DPYSL2: variants seen among roughly 807,000 people sequenced by gnomAD.
The protein encoded by DPYSL2 is dihydropyrimidinase like 2.
A neutral mutation model predicts 69.9 loss-of-function variants in DPYSL2; 13 were observed. The ratio of observed to expected loss-of-function variants is 0.19; its 90% confidence interval spans 0.12 to 0.30. The LOEUF (loss-of-function observed/expected upper bound fraction) is 0.30, where lower values mean the gene tolerates loss of function less well. Ranked by LOEUF, DPYSL2 falls within the 10% of genes least tolerant of loss-of-function variation. The pLI, the probability that DPYSL2 is intolerant of heterozygous loss-of-function variation, is 1.00. For synonymous variants in DPYSL2, 326 were observed against 359.1 expected, an observed-to-expected ratio of 0.91 and a Z score of 1.04; for missense variants, 587 against 918.9, an observed-to-expected ratio of 0.64 and a Z score of 4.67.
intron 8 of DPYSL2, among the ~76,000 whole-genome samples, chr8:26,638,529 A>C (rs767235326): frequency 6.6e-6 from 1 of 152,170 alleles, no homozygotes. Context: ...GCACGACTGC[A>C]TCCTGCCTTC....
At chr8:26,594,430 C>G (rs950168853) in intron 3 of DPYSL2, among the ~76,000 whole-genome samples, 1 of 152,030 alleles carries the variant, frequency 6.6e-6, no homozygotes, top group Non-Finnish European at 1.5e-5. Flanking sequence ...CAGAAGCTTA[C>G]GAAATGATCG....
chr8:26,529,233 AATCTATCTATCT>A (rs56968092), intron 1 of DPYSL2, among the ~76,000 whole-genome samples: 6 of 144,066 alleles, frequency 4.2e-5, no homozygotes, highest in Middle Eastern at 3.4e-3. Context: ...TATAAATTTA[AATCTATCTATCT>A]ATCTATCTAT....
At chr8:26,604,478 G>A (rs1802063726) in intron 3 of DPYSL2, among the ~76,000 whole-genome samples, 2 of 152,204 alleles carry the variant, frequency 1.3e-5, no homozygotes, top group Admixed American at 1.3e-4. Flanking sequence ...GAAAGAGGAG[G>A]TAAAGGAATG....
intron 3 of DPYSL2, among the ~76,000 whole-genome samples, chr8:26,592,657 A>G (rs1317941084): frequency 1.3e-5 from 2 of 151,004 alleles, no homozygotes; most frequent in Non-Finnish European, 2.9e-5. Context: ...TTTTGTATTT[A>G]GTAGAGATGG....
intron 1 of DPYSL2, among the ~76,000 whole-genome samples, chr8:26,559,017 G>C (rs575942590): frequency 1.3e-5 from 2 of 152,138 alleles, no homozygotes; most frequent in East Asian, 1.9e-4. Context: ...ATCTCAGCTC[G>C]CTGCAACCTC....
At chr8:26,596,891 C>T (rs1220207834) in intron 3 of DPYSL2, among the ~76,000 whole-genome samples, 1 of 152,212 alleles carries the variant, frequency 6.6e-6, no homozygotes, top group African/African-American at 2.4e-5. Flanking sequence ...GTGACAGGTG[C>T]TTTACAACAA....
intron 3 of DPYSL2, among the ~76,000 whole-genome samples, chr8:26,618,779 A>C (rs1802415740): frequency 3.8e-5 from 1 of 26,406 alleles, no homozygotes; most frequent in Non-Finnish European, 9.8e-5. Flanking sequence ...CATCTCTACC[A>C]AAAAAAAAAA....
At position 26,587,408 on chromosome 8, in the gene DPYSL2, GACCATGTC is replaced by G. The variant is rs1801631528; in HGVS notation, c.628+3437_628+3444del. Among the ~76,000 whole-genome samples the G allele has an allele frequency of 6.6e-6, 1 of 152,124 alleles. No individual in the cohort carries two copies. The highest frequency in any genetic ancestry group is 2.4e-5 in the African/African-American group (1 of 41,408). On this transcript the variant is annotated intron_variant, in intron 3 of 13. Coordinates refer to ENST00000521913, the MANE Select transcript of DPYSL2 (RefSeq NM_001197293.3). The surrounding 1 kb of genome is among the most constrained non-coding windows in gnomAD (Gnocchi z 4.2). ...CCTCCTGGCTTTCTGGCCTTCTCCAGACCATGTCACCATGTCACCTGCCCTCACGGGTA... is the reference window on the plus strand; with the variant it reads ...CCTCCTGGCTTTCTGGCCTTCTCCAGACCATGTCACCTGCCCTCACGGGTA...
chr8:26,527,414 A>AT (rs1285024963), intron 1 of DPYSL2, among the ~76,000 whole-genome samples: 2 of 151,864 alleles, frequency 1.3e-5, no homozygotes, highest in East Asian at 1.9e-4. Flanking sequence ...TCGTAAGCTT[A>AT]TTTTTTTCCT....
intron 1 of DPYSL2, among the ~76,000 whole-genome samples, chr8:26,566,128 T>A (rs1801145539): frequency 6.6e-6 from 1 of 152,186 alleles, no homozygotes; most frequent in Admixed American, 6.5e-5. Flanking sequence ...AGAAGTGTCT[T>A]GGAGACAGAG....
In DPYSL2 at chr8:26,641,954, G is replaced by C. The variant is rs1378500611; in HGVS notation, c.1127-1485G>C. ...CATCAAGTGATAAGGCCTTCGGAAA[G>C]GCTGTGGAGAGGAAGGAAAACACAT... On this transcript the variant is annotated intron_variant, in intron 8 of 13. Coordinates refer to ENST00000521913, the MANE Select transcript of DPYSL2 (RefSeq NM_001197293.3). This position sits in a 1 kb window ranked among gnomAD's most constrained non-coding sequence, Gnocchi z 4.1. 6.6e-6 allele frequency among the ~76,000 whole-genome samples: 1 copy of C among 152,202 alleles called. No individual in the cohort carries two copies. Among genetic ancestry groups the C allele is most frequent in the Non-Finnish European group, 1.5e-5 (1 of 68,044 alleles).
rs552648090 is a variant in DPYSL2 at position 26,644,441 on chromosome 8, G to A, written c.1425+350G>A. On this transcript the variant is annotated intron_variant, in intron 10 of 13. Transcript: ENST00000521913. This position sits in a 1 kb window ranked among gnomAD's most constrained non-coding sequence, Gnocchi z 4.5. ...CCCATCTCAGTCTCCTGAGTAGCTA[G>A]GACCACAGGCTCAGACCACCATGCC... 1.3e-5 allele frequency among the ~76,000 whole-genome samples: 2 copies of A among 152,046 alleles called. No homozygotes were observed. Among genetic ancestry groups the A allele is most frequent in the East Asian group, 3.9e-4 (2 of 5,164 alleles).
In DPYSL2 at chr8:26,585,506, C is replaced by G. The variant is rs929004917; in HGVS notation, c.628+1523C>G. Among the ~76,000 whole-genome samples the G allele has an allele frequency of 1.3e-5, 2 of 152,082 alleles. No individual in the cohort carries two copies. Among genetic ancestry groups the G allele is most frequent in the African/African-American group, 4.8e-5 (2 of 41,404 alleles). ...CAAGTGTAAGCCTTGCGACTTGTGT[C>G]TTGCTGTACATGTTGCCCTTTAACC... On this transcript the variant is annotated intron_variant, in intron 3 of 13. Coordinates refer to ENST00000521913, the MANE Select transcript of DPYSL2 (RefSeq NM_001197293.3). The surrounding 1 kb of genome is among the most constrained non-coding windows in gnomAD (Gnocchi z 4.0).
Position 26,605,919 on chromosome 8 carries a change from T to C in DPYSL2, c.629-18224T>C, listed in dbSNP as rs1001860652. On this transcript the variant is annotated intron_variant, in intron 3 of 13. Transcript: ENST00000521913. This position sits in a 1 kb window ranked among gnomAD's most constrained non-coding sequence, Gnocchi z 4.1. ...AAACCTCAAAAGGTGGTTGAGTTTT[T>C]GTTTTGTTTTCCATTTGACCAAATG... 6.6e-6 allele frequency among the ~76,000 whole-genome samples: 1 copy of C among 152,214 alleles called. No homozygotes were observed. Among genetic ancestry groups the C allele is most frequent in the African/African-American group, 2.4e-5 (1 of 41,452 alleles).
chr8:26,600,926 G>A (rs964054442), intron 3 of DPYSL2, among the ~76,000 whole-genome samples: 17 of 152,186 alleles, frequency 1.1e-4, no homozygotes, highest in African/African-American at 2.7e-4. Flanking sequence ...GGGCAGATAG[G>A]TGGTTCCATG....
chr8:26,600,165 G>T (rs1801959322), intron 3 of DPYSL2, among the ~76,000 whole-genome samples: 1 of 152,146 alleles, frequency 6.6e-6, no homozygotes, highest in African/African-American at 2.4e-5. Context: ...TTCATCGATG[G>T]ATGGCATTTG....
intron 1 of DPYSL2, among the ~76,000 whole-genome samples, chr8:26,553,331 A>G (rs546677422): frequency 2.7e-5 from 4 of 149,958 alleles, no homozygotes; most frequent in Non-Finnish European, 5.9e-5. Context: ...CCCAGGTACT[A>G]AGCCTAGTAC....
chr8:26,528,517 T>C (rs10090623), intron 1 of DPYSL2, among the ~76,000 whole-genome samples: 93,265 of 151,478 alleles, frequency 0.62, 31,214 homozygotes, highest in East Asian at 0.95. Context: ...CATGGTGACT[T>C]GCGCCTGTAG....
chr8:26,523,988 T>C (rs76555431), intron 1 of DPYSL2, among the ~76,000 whole-genome samples: 1,980 of 152,378 alleles, frequency 0.013, 22 homozygotes, highest in Middle Eastern at 0.071. Context: ...AACACGGCTA[T>C]GCAAATATCT....
Sources: gnomAD v4.1 joint callset for allele counts (sites outside exome capture counted in the v4.1 genomes callset) on GRCh38, gnomAD v4.1.1 for gene constraint, Gnocchi (gnomAD v3.1) non-coding constraint, MANE v1.5 for transcripts, NCBI Gene and HGNC (gene_info 2026-07-23, HGNC 2026-07-21) for gene names.